COL6A3: variants seen among roughly 807,000 people sequenced by gnomAD.
COL6A3 encodes the protein collagen alpha-3(VI) chain.
A neutral mutation model predicts 274.1 loss-of-function variants in COL6A3; 137 were observed. That is an observed-to-expected ratio of 0.50 (90% CI 0.44 to 0.58). The LOEUF is 0.58. Ranked by LOEUF, COL6A3 falls within the 20% of genes least tolerant of loss-of-function variation. The pLI is 0.00. For missense variants in COL6A3, 3,950 were observed against 4,124.9 expected (o/e 0.96, Z 1.16); for synonymous variants, 1,650 against 1,650.6 (o/e 1.00, Z 0.01).
rs1008380420 is a variant in COL6A3, at chr2:237,324,566, G to C, written c.*208C>G. Reference sequence around the variant, plus strand: ...AACATTCAAAGTATTCGAGAGAACTGCCTGGAGACAGAGAGCGAGGGTCCA... The same window carrying C: ...AACATTCAAAGTATTCGAGAGAACTCCCTGGAGACAGAGAGCGAGGGTCCA... On this transcript the variant is annotated 3_prime_UTR_variant, in exon 44 of 44. Transcript: ENST00000295550. The C allele has an allele frequency of 3.4e-6, 2 of 582,208 alleles. No individual in the cohort carries two copies. Among genetic ancestry groups the C allele is most frequent in the African/African-American group, 3.7e-5 (2 of 54,172 alleles). 36.1% of individuals were successfully genotyped at this position (582,208 alleles called of 1,614,324 possible). A position where few individuals can be genotyped will look rare whatever the true frequency, so the allele number is the denominator to read the frequency against.
intron 1 of COL6A3, among the ~76,000 whole-genome samples, chr2:237,411,336 T>C (rs2078850658): frequency 6.6e-6 from 1 of 152,186 alleles, no homozygotes; most frequent in East Asian, 1.9e-4. Flanking sequence ...GAATTTTAAG[T>C]CCTAAACATG....
chr2:237,366,759 C>T lies in COL6A3; in HGVS notation c.5428G>A (p.Glu1810Lys), dbSNP rs1463075616. The T allele has an allele frequency of 3.7e-6, 6 of 1,614,254 alleles. No homozygotes were observed. Among genetic ancestry groups the T allele is most frequent in the Non-Finnish European group, 5.1e-6 (6 of 1,180,048 alleles). Residue 1810 changes from glutamate to lysine, a missense_variant, in exon 11 of 44, where the codon GAG becomes AAG. Coordinates refer to ENST00000295550, the MANE Select transcript of COL6A3 (RefSeq NM_004369.4). ...GNVQELSELS[E>K]QVLETLHDAM... Reference sequence around the variant, plus strand: ...TCATGCAAAGTTTCCAAAACTTGCTCGCTCAGTTCGGACAGCTCCTGGACG... The same window carrying T: ...TCATGCAAAGTTTCCAAAACTTGCTTGCTCAGTTCGGACAGCTCCTGGACG...
rs2078389862 is a variant in COL6A3, at chr2:237,394,842, C to T, written c.454G>A (p.Gly152Arg). ...AGAGCAAGGCCATCCTTCGAGTGTC[C>T]ATCAGTTAACACTACGATAACCTGA... is the stretch of plus-strand genomic sequence containing the variant. ...VPQVIVVLTD[G>R]HSKDGLALPS... The change falls in exon 3 of 44, where the codon GGA (glycine) becomes AGA (arginine). Residue 152 changes from glycine (G) to arginine (R), a missense_variant. Physicochemically the swap from Gly to Arg is moderately radical, Grantham distance 125. Coordinates refer to ENST00000295550, the MANE Select transcript of COL6A3 (RefSeq NM_004369.4). 1.9e-6 allele frequency: 3 copies of T among 1,613,878 alleles called. No individual in the cohort carries two copies. Among genetic ancestry groups the T allele is most frequent in the Admixed American group, 1.7e-5 (1 of 60,004 alleles).
chr2:237,392,772 G>C (rs1027452390), intron 3 of COL6A3, among the ~76,000 whole-genome samples: 3 of 152,182 alleles, frequency 2.0e-5, no homozygotes, highest in African/African-American at 7.2e-5. Context: ...AGACTCTGTG[G>C]TCATCTCCAG....
At chr2:237,377,392 G>A (rs753389024) in intron 6 of COL6A3, 48 bp from the exon 7 acceptor site, 1 of 1,578,072 alleles carries the variant, frequency 6.3e-7, no homozygotes, top group African/African-American at 1.3e-5. Context: ...GAGCATAACA[G>A]GAACCAAAGC....
chr2:237,348,465 T>C (rs1263403428), intron 29 of COL6A3, 81 bp from the exon 30 acceptor site: 2 of 1,385,174 alleles, frequency 1.4e-6, no homozygotes, highest in African/African-American at 2.9e-5. Context: ...AAGAAAGAAA[T>C]GTCTGCTGAG....
In COL6A3 at chr2:237,407,548, G is replaced by A. The variant is rs150291450; in HGVS notation, c.-31+6405C>T. ...ATGAGAGCACCTGTAAGAATATGCC[G>A]ACCTGCAGCCAGGCTTAGGCCAAGC... On this transcript the variant is annotated intron_variant, in intron 1 of 43. Transcript: ENST00000295550. The surrounding 1 kb of genome is among the most constrained non-coding windows in gnomAD (Gnocchi z 4.3). Among the ~76,000 whole-genome samples the A allele has an allele frequency of 1.1e-4, 16 of 152,306 alleles. No individual in the cohort carries two copies. The highest frequency in any genetic ancestry group is 3.4e-3 in the Middle Eastern group (1 of 294).
intron 31 of COL6A3, 122 bp downstream of exon 31, chr2:237,347,685 C>T (rs1292363171): frequency 1.8e-5 from 18 of 1,020,076 alleles, no homozygotes; most frequent in Non-Finnish European, 2.4e-5. Flanking sequence ...TCCCTTCCTT[C>T]CACCCTGTGC....
intron 17 of COL6A3, among the ~76,000 whole-genome samples, chr2:237,359,614 C>T (rs531775054): frequency 3.3e-5 from 5 of 152,206 alleles, no homozygotes; most frequent in East Asian, 1.9e-4. Flanking sequence ...CTCCCTGGGC[C>T]GGCGGGGGTG....
intron 6 of COL6A3, among the ~76,000 whole-genome samples, chr2:237,378,370 A>C (rs1264668181): frequency 6.6e-6 from 1 of 152,242 alleles, no homozygotes; most frequent in East Asian, 1.9e-4. Flanking sequence ...CAGTCATTAG[A>C]GGAAAAAAAA....
At chr2:237,337,206 T>C (rs1044262388) in intron 39 of COL6A3, among the ~76,000 whole-genome samples, 1 of 152,212 alleles carries the variant, frequency 6.6e-6, no homozygotes, top group Non-Finnish European at 1.5e-5. Flanking sequence ...CTACTTGTCC[T>C]AGGAAGTATT....
chr2:237,394,801 A>C lies in COL6A3; in HGVS notation c.495T>G (p.Leu165=), dbSNP rs2078388015. 1.2e-6 allele frequency: 2 copies of C among 1,614,074 alleles called. No homozygotes were observed. Among genetic ancestry groups the C allele is most frequent in the Non-Finnish European group, 8.5e-7 (1 of 1,180,030 alleles). Residue 165 remains leucine (L), a synonymous_variant, in exon 3 of 44, where the codon CTT becomes CTG. Transcript: ENST00000295550. ...KDGLALPSAE[L]KSADVNVFAI... ...CAAACACGTTAACATCAGCAGACTT[A>C]AGTTCCGCTGAGGGCAGAGCAAGGC... is the stretch of plus-strand genomic sequence containing the variant.
At position 237,388,047 on chromosome 2, in the gene COL6A3, C is replaced by A; in HGVS notation, c.847G>T (p.Val283Leu). The A allele has an allele frequency of 6.2e-7, 1 of 1,614,214 alleles. No homozygotes were observed. Among genetic ancestry groups the A allele is most frequent in the Non-Finnish European group, 8.5e-7 (1 of 1,180,038 alleles). Residue 283 changes from valine (V) to leucine (L), a missense_variant, in exon 4 of 44, where the codon GTG becomes TTG. Transcript: ENST00000295550. ...CTGGGCTCATCGCTAAACTGGACCA[C>A]CCCCACTCGGATCTGCTGAGTTCCA... ...PIGTQQIRVG[V>L]VQFSDEPRTM... is the part of the protein sequence containing the mutation.
chr2:237,360,171 G>A lies in COL6A3; in HGVS notation c.6211-12C>T, dbSNP rs1371085583. The A allele has an allele frequency of 1.2e-6, 2 of 1,613,936 alleles. No individual in the cohort carries two copies. Among genetic ancestry groups the A allele is most frequent in the Non-Finnish European group, 1.7e-6 (2 of 1,179,976 alleles). ...GGACCACGCTCACCCTGTTGTGAGA[G>A]ACAAAGGCATTTTGCAAGCTGGAGC... On this transcript the variant is annotated splice_polypyrimidine_tract_variant and intron_variant, in intron 16 of 43. Coordinates refer to ENST00000295550, the MANE Select transcript of COL6A3 (RefSeq NM_004369.4).
Position 237,344,801 on chromosome 2 carries a change from G to A in COL6A3, c.7217C>T (p.Ala2406Val), listed in dbSNP as rs2077064946. ...GTTGACTCCCTCAGAGGTGTCTAAA[G>A]CAAAGGCTAGTTCTGTTGGGAAGAC... The part of the protein sequence containing the change: ...CPVFPTELAF[A>V]LDTSEGVNQD... Residue 2406 changes from alanine to valine, a missense_variant, in exon 36 of 44, where the codon GCT becomes GTT. This residue lies in a region of COL6A3 where 1,284 missense variants were observed against 1,349.7 expected (regional missense o/e 0.95). Coordinates refer to ENST00000295550, the MANE Select transcript of COL6A3 (RefSeq NM_004369.4). This position sits in a 1 kb window ranked among gnomAD's most constrained non-coding sequence, Gnocchi z 4.8. The A allele has an allele frequency of 6.2e-7, 1 of 1,610,792 alleles. No homozygotes were observed. The highest frequency in any genetic ancestry group is 1.3e-5 in the African/African-American group (1 of 74,854).
intron 1 of COL6A3, among the ~76,000 whole-genome samples, chr2:237,404,507 C>G (rs1048152902): frequency 2.6e-5 from 4 of 152,104 alleles, no homozygotes; most frequent in African/African-American, 9.7e-5. Flanking sequence ...TATAGAGGCT[C>G]TTTGTAAAGC....
Position 237,362,679 on chromosome 2 carries a change from C to T in COL6A3, c.6063+574G>A, listed in dbSNP as rs150209563. Among the ~76,000 whole-genome samples, 445 of 152,234 alleles carry T rather than the reference C, an allele frequency of 2.9e-3. 4 individuals carry two copies. Among genetic ancestry groups the T allele is most frequent in the Admixed American group, 6.0e-3 (91 of 15,290 alleles). On this transcript the variant is annotated intron_variant, in intron 14 of 43. Transcript: ENST00000295550. ...GCTACCATCAAAGAATCTCTGAGTT[C>T]GCAGCTCAGCCCCACATCTTCCAAA...
chr2:237,361,156 C>T lies in COL6A3; in HGVS notation c.6175G>A (p.Gly2059Ser), dbSNP rs758124326. The T allele has an allele frequency of 4.3e-6, 7 of 1,614,052 alleles. No homozygotes were observed. The highest frequency in any genetic ancestry group is 5.9e-6 in the Non-Finnish European group (7 of 1,179,984). Residue 2059 changes from glycine to serine, a missense_variant, in exon 16 of 44, where the codon GGC becomes AGC. Gly to Ser is a moderately conservative substitution (Grantham distance 56, BLOSUM62 0). This residue lies in a region of COL6A3 where 92 missense variants were observed against 143.4 expected (regional missense o/e 0.64). Coordinates refer to ENST00000295550, the MANE Select transcript of COL6A3 (RefSeq NM_004369.4). This position sits in a 1 kb window ranked among gnomAD's most constrained non-coding sequence, Gnocchi z 5.1. ...IGPKGIPGED[G>S]YRGYPGDEGG... ...TCATCACCAGGATAGCCTCGGTAGC[C>T]GTCTTCTCCAGGAATACCCTGAAAC...
chr2:237,330,180 A>G (rs1700152388), intron 42 of COL6A3: 1 of 152,226 alleles, frequency 6.6e-6, no homozygotes. Context: ...AGTAATATGC[A>G]TAGAAAATAT....
Sources: allele counts gnomAD v4.1 joint callset (sites outside exome capture counted in the v4.1 genomes callset), GRCh38; gene constraint gnomAD v4.1.1; regional missense constraint gnomAD v4.1.1; non-coding constraint Gnocchi (gnomAD v3.1); transcripts MANE v1.5; gene names NCBI Gene and HGNC (gene_info 2026-07-23, HGNC 2026-07-21).